Variants in CDK8 observed in about 807,000 individuals in gnomAD.
The protein encoded by CDK8 is cyclin-dependent kinase 8.
A neutral mutation model predicts 71.5 loss-of-function variants in CDK8; 29 were observed. The ratio of observed to expected loss-of-function variants is 0.41; its 90% CI spans 0.30 to 0.55. The LOEUF (loss-of-function observed/expected upper bound fraction) is 0.55, where lower values mean the gene tolerates loss of function less well. Ranked by LOEUF, CDK8 falls within the 20% of genes least tolerant of loss-of-function variation. CDK8 has a pLI of 0.37. For missense variants in CDK8, 288 were observed against 572.6 expected, an observed-to-expected ratio of 0.50 and a Z score of 5.07; for synonymous variants, 161 against 192.1, an observed-to-expected ratio of 0.84 and a Z score of 1.34.
rs142140535 is a variant in CDK8, at chr13:26,321,744, C to T, written c.129-15823C>T. On this transcript the variant is annotated intron_variant, in intron 1 of 12. Coordinates refer to ENST00000381527, the MANE Select transcript of CDK8 (RefSeq NM_001260.3). ...TCTCATCTTCCTCTTTTCTCTTTCT[C>T]TTCTATATATACATGTATATCTTTA... Among the ~76,000 whole-genome samples, 7 of 151,986 alleles carry T rather than the reference C, an allele frequency of 4.6e-5. No individual in the cohort carries two copies. The East Asian group carries it at 1.2e-3, about 25-fold the overall frequency.
At chr13:26,393,345 T>A in intron 6 of CDK8, 22 bp from the exon 7 acceptor site, 3 of 1,463,708 alleles carry the variant, frequency 2.0e-6, no homozygotes, top group Non-Finnish European at 2.8e-6. Flanking sequence ...TCTTTCTTTT[T>A]TTTTTTCTTT....
chr13:26,341,158 G>C (rs1424819934), intron 2 of CDK8, among the ~76,000 whole-genome samples: 1 of 152,100 alleles, frequency 6.6e-6, no homozygotes, highest in Non-Finnish European at 1.5e-5. Flanking sequence ...ACAGAGTCTT[G>C]CTCTGTTGCC....
chr13:26,287,424 C>G (rs1255424065), intron 1 of CDK8, among the ~76,000 whole-genome samples: 2 of 152,202 alleles, frequency 1.3e-5, no homozygotes, highest in Non-Finnish European at 2.9e-5. Context: ...TCGCAGCAAC[C>G]TGGATGGAGT....
intron 1 of CDK8, among the ~76,000 whole-genome samples, chr13:26,320,892 G>A (rs1874742161): frequency 6.6e-6 from 1 of 152,166 alleles, no homozygotes; most frequent in South Asian, 2.1e-4. Context: ...CAAGAATGTG[G>A]AGAAATTGGA....
chr13:26,355,237 G>GACC (rs1484945230), intron 4 of CDK8, among the ~76,000 whole-genome samples: 2 of 152,202 alleles, frequency 1.3e-5, no homozygotes, highest in African/African-American at 4.8e-5. Context: ...TTTAGACTAG[G>GACC]ACCAGTAACA....
At chr13:26,399,151 A>G (rs1341299074) in intron 9 of CDK8, among the ~76,000 whole-genome samples, 1 of 151,744 alleles carries the variant, frequency 6.6e-6, no homozygotes, top group Non-Finnish European at 1.5e-5. Flanking sequence ...CTGGGATTAC[A>G]GGCGCCTGCC....
intron 7 of CDK8, among the ~76,000 whole-genome samples, chr13:26,394,765 T>C (rs1386317028): frequency 6.6e-6 from 1 of 152,158 alleles, no homozygotes; most frequent in African/African-American, 2.4e-5. Flanking sequence ...GAGGTTAGAT[T>C]TGATAGCTAA....
intron 1 of CDK8, among the ~76,000 whole-genome samples, chr13:26,325,115 G>A (rs967066701): frequency 6.6e-6 from 1 of 152,158 alleles, no homozygotes; most frequent in Non-Finnish European, 1.5e-5. Context: ...AATTCCTGTT[G>A]AATCTGTCTT....
At chr13:26,338,624 T>A (rs964966697) in intron 2 of CDK8, among the ~76,000 whole-genome samples, 1 of 152,174 alleles carries the variant, frequency 6.6e-6, no homozygotes, top group Non-Finnish European at 1.5e-5. Context: ...GAGGATATTG[T>A]TAACCAAAGG....
At chr13:26,364,146 C>T (rs7986682) in intron 4 of CDK8, among the ~76,000 whole-genome samples, 58,174 of 151,922 alleles carry the variant, frequency 0.38, 11,246 homozygotes, top group East Asian at 0.54. Flanking sequence ...GCTGGACTAC[C>T]GAATTTAGGA....
At chr13:26,393,286 G>C (rs1015080289) in intron 6 of CDK8, 81 bp from the exon 7 acceptor site, 1 of 896,986 alleles carries the variant, frequency 1.1e-6, no homozygotes, top group East Asian at 2.8e-5. Flanking sequence ...CTTTTGGAAA[G>C]AACCACTTTA....
At chr13:26,394,030 T>G (rs1032255273) in intron 7 of CDK8, among the ~76,000 whole-genome samples, 4 of 152,214 alleles carry the variant, frequency 2.6e-5, no homozygotes, top group Non-Finnish European at 5.9e-5. Flanking sequence ...CATAGTACCC[T>G]ATGGTGAGTT....
intron 1 of CDK8, among the ~76,000 whole-genome samples, chr13:26,279,245 T>G (rs1249746540): frequency 6.6e-6 from 1 of 152,174 alleles, no homozygotes; most frequent in East Asian, 1.9e-4. Context: ...GTGTAAAAAT[T>G]GATTCAGGCA....
At chr13:26,302,345 G>C (rs545399341) in intron 1 of CDK8, among the ~76,000 whole-genome samples, 2 of 152,078 alleles carry the variant, frequency 1.3e-5, no homozygotes, top group African/African-American at 2.4e-5. Flanking sequence ...TCACCCAAAG[G>C]GTCTTCCCAA....
Position 26,401,855 on chromosome 13 carries a change from G to A in CDK8, c.1269+231G>A, listed in dbSNP as rs1876275340. 1.3e-5 allele frequency among the ~76,000 whole-genome samples: 2 copies of A among 152,196 alleles called. No homozygotes were observed. The highest frequency in any genetic ancestry group is 2.1e-4 in the South Asian group (1 of 4,826). ...ATACAAATTATGCCATTTATTAACTGTGTGACCTTGGACAAGTAGGATAAT... is the reference window on the plus strand; with the variant it reads ...ATACAAATTATGCCATTTATTAACTATGTGACCTTGGACAAGTAGGATAAT... On this transcript the variant is annotated intron_variant, in intron 12 of 12. Transcript: ENST00000381527. This position sits in a 1 kb window ranked among gnomAD's most constrained non-coding sequence, Gnocchi z 4.5.
chr13:26,382,458 G>A (rs967321308), intron 4 of CDK8, among the ~76,000 whole-genome samples: 9 of 151,988 alleles, frequency 5.9e-5, no homozygotes, highest in African/African-American at 2.2e-4. Flanking sequence ...CATCTTTCTC[G>A]ATTCATTTTT....
chr13:26,267,148 A>G (rs1872057006), intron 1 of CDK8, among the ~76,000 whole-genome samples: 1 of 150,866 alleles, frequency 6.6e-6, no homozygotes. Context: ...ACATATGCAT[A>G]TATTAATAAA....
chr13:26,313,292 G>T (rs900531636), intron 1 of CDK8, among the ~76,000 whole-genome samples: 1 of 152,088 alleles, frequency 6.6e-6, no homozygotes. Context: ...TGAAAAAGAG[G>T]CCTACTACAT....
intron 10 of CDK8, among the ~76,000 whole-genome samples, chr13:26,400,759 T>C (rs984325047): frequency 6.6e-6 from 1 of 152,146 alleles, no homozygotes; most frequent in Non-Finnish European, 1.5e-5. Context: ...CTTTATGAAA[T>C]GCTGATCACA....
Sources: allele counts gnomAD v4.1 joint callset (sites outside exome capture counted in the v4.1 genomes callset), GRCh38; gene constraint gnomAD v4.1.1; non-coding constraint Gnocchi (gnomAD v3.1); transcripts MANE v1.5; gene names NCBI Gene and HGNC (gene_info 2026-07-23, HGNC 2026-07-21).